Variants in DLG2 observed in about 807,000 individuals in gnomAD.
DLG2 encodes disks large homolog 2.
In DLG2, 45 loss-of-function variants were observed where a neutral mutation model predicts 132.5. The observed-to-expected ratio is 0.34, with a 90% CI of 0.27 to 0.44. DLG2 has a LOEUF of 0.44. Ranked by LOEUF, DLG2 falls within the 20% of genes least tolerant of loss-of-function variation. DLG2 has a pLI of 1.00. For missense variants in DLG2, 1,045 were observed against 1,196.9 expected (o/e 0.87, Z 1.87); for synonymous variants, 424 against 419.6 (o/e 1.01, Z -0.13).
intron 9 of DLG2, among the ~76,000 whole-genome samples, chr11:84,152,572 G>C (rs1317243341): frequency 6.6e-6 from 1 of 151,956 alleles, no homozygotes; most frequent in Non-Finnish European, 1.5e-5. Flanking sequence ...ATTTTTAGTA[G>C]AGATGGGGTT....
At chr11:85,207,712 G>C (rs1271219834) in intron 4 of DLG2, among the ~76,000 whole-genome samples, 1 of 151,982 alleles carries the variant, frequency 6.6e-6, no homozygotes, top group Non-Finnish European at 1.5e-5. Context: ...TTCATATTTT[G>C]GCACTTAGAT....
intron 6 of DLG2, among the ~76,000 whole-genome samples, chr11:84,795,369 A>G (rs1260314485): frequency 6.6e-6 from 1 of 151,496 alleles, no homozygotes; most frequent in African/African-American, 2.4e-5. Flanking sequence ...TGTGGGTCCA[A>G]TCTCTGCTGA....
chr11:84,244,983 T>C (rs566490906), intron 8 of DLG2, among the ~76,000 whole-genome samples: 1 of 152,338 alleles, frequency 6.6e-6, no homozygotes, highest in African/African-American at 2.4e-5. Flanking sequence ...TGTACAGACC[T>C]ACAACAAGTG....
chr11:84,014,629 A>G (rs1294736080), intron 11 of DLG2, among the ~76,000 whole-genome samples: 1 of 152,168 alleles, frequency 6.6e-6, no homozygotes, highest in African/African-American at 2.4e-5. Context: ...TGGGCCAACT[A>G]TTACTACAAC....
chr11:83,699,596 G>C (rs1216630507), intron 18 of DLG2, among the ~76,000 whole-genome samples: 2 of 150,624 alleles, frequency 1.3e-5, no homozygotes, highest in Non-Finnish European at 3.0e-5. Context: ...TGCAGTCCCA[G>C]TTACTTGGGA....
chr11:85,261,999 T>C (rs2076968345), intron 4 of DLG2, among the ~76,000 whole-genome samples: 1 of 152,124 alleles, frequency 6.6e-6, no homozygotes, highest in Non-Finnish European at 1.5e-5. Flanking sequence ...TCATCTAAAA[T>C]GTCAGGAGAG....
Position 85,164,560 on chromosome 11 carries a change from CT to C in DLG2, c.187-9910del, listed in dbSNP as rs1213256519. On this transcript the variant is annotated intron_variant, in intron 4 of 27. Transcript: ENST00000376104. ...AATTTCTTCTATGCTTCTATTCTTC[CT>C]TCATTTAAAAAAAGACCCTGATCAC... 2.0e-5 allele frequency among the ~76,000 whole-genome samples: 3 copies of C among 152,162 alleles called. No homozygotes were observed. The East Asian group carries it at 5.8e-4, about 29-fold the overall frequency.
At chr11:84,133,509 C>T (rs911169490) in intron 9 of DLG2, among the ~76,000 whole-genome samples, 2 of 151,980 alleles carry the variant, frequency 1.3e-5, no homozygotes, top group Non-Finnish European at 1.5e-5. Context: ...AAACCACATA[C>T]AAAAAATTGT....
intron 6 of DLG2, among the ~76,000 whole-genome samples, chr11:84,892,500 A>G (rs368858007): frequency 1.3e-5 from 2 of 152,156 alleles, no homozygotes; most frequent in Non-Finnish European, 2.9e-5. Flanking sequence ...GGATTAATAA[A>G]TAAATTGAGT....
chr11:85,228,513 C>A (rs915484836), intron 4 of DLG2, among the ~76,000 whole-genome samples: 3 of 152,164 alleles, frequency 2.0e-5, no homozygotes, highest in African/African-American at 7.2e-5. Flanking sequence ...GTTGGTAATT[C>A]CTTCACCAAG....
intron 11 of DLG2, among the ~76,000 whole-genome samples, chr11:84,037,395 C>A (rs1330230957): frequency 6.6e-6 from 1 of 152,046 alleles, no homozygotes; most frequent in Non-Finnish European, 1.5e-5. Context: ...AAAGACAAGA[C>A]TCATAAAATA....
intron 6 of DLG2, among the ~76,000 whole-genome samples, chr11:84,799,339 G>A (rs1017966130): frequency 9.9e-5 from 15 of 152,274 alleles, no homozygotes; most frequent in Middle Eastern, 6.8e-3. Flanking sequence ...TCCAGCTGCT[G>A]TGCTCTTCCT....
intron 6 of DLG2, among the ~76,000 whole-genome samples, chr11:84,710,328 T>C (rs978461322): frequency 6.6e-6 from 1 of 151,890 alleles, no homozygotes; most frequent in South Asian, 2.1e-4. Context: ...ACTATAATGT[T>C]AAACATAATA....
intron 7 of DLG2, among the ~76,000 whole-genome samples, chr11:84,490,673 C>T (rs1273272783): frequency 6.9e-6 from 1 of 144,890 alleles, no homozygotes; most frequent in African/African-American, 2.5e-5. Context: ...AAAAACCCGA[C>T]AGATTTAATA....
At chr11:84,628,962 C>T (rs1040144725) in intron 6 of DLG2, among the ~76,000 whole-genome samples, 5 of 152,168 alleles carry the variant, frequency 3.3e-5, no homozygotes, top group Admixed American at 6.6e-5. Flanking sequence ...CTCCAGCACA[C>T]TAAGCAGGTT....
At chr11:84,796,581 T>A (rs542868721) in intron 6 of DLG2, among the ~76,000 whole-genome samples, 1 of 152,314 alleles carries the variant, frequency 6.6e-6, no homozygotes, top group East Asian at 1.9e-4. Context: ...AAGACAGATC[T>A]GGTGTTAATG....
Position 83,504,051 on chromosome 11 carries a change from T to C in DLG2, c.2194-19823A>G, listed in dbSNP as rs1055989188. ...GCTGATGTGAGGTCAATAAATCTTA[T>C]GTCACATGATAAAGGAAAAAGGAAA... On this transcript the variant is annotated intron_variant, in intron 21 of 27. Transcript: ENST00000376104. Among the ~76,000 whole-genome samples, 14 of 152,338 alleles carry C rather than the reference T, an allele frequency of 9.2e-5. No individual in the cohort carries two copies. In the East Asian group the frequency reaches 2.1e-3, roughly 23 times the overall value.
intron 17 of DLG2, among the ~76,000 whole-genome samples, chr11:83,825,130 T>TACAC (rs749607243): frequency 0.03 from 2,667 of 88,944 alleles, 95 homozygotes; most frequent in Middle Eastern, 0.08. Context: ...CACATATATA[T>TACAC]ATACACACAC....
At chr11:84,266,946 T>C (rs2097646503) in intron 7 of DLG2, among the ~76,000 whole-genome samples, 1 of 152,192 alleles carries the variant, frequency 6.6e-6, no homozygotes, top group African/African-American at 2.4e-5. Flanking sequence ...GAGAAGTGCA[T>C]AGTCTTGCCC....
Sources: gnomAD v4.1 joint callset for allele counts (sites outside exome capture counted in the v4.1 genomes callset) on GRCh38, gnomAD v4.1.1 for gene constraint, MANE v1.5 for transcripts, NCBI Gene and HGNC (gene_info 2026-07-23, HGNC 2026-07-21) for gene names.